The following ADCY2 variants were observed in gnomAD, a reference collection of about 807,000 sequenced individuals.
ADCY2 encodes the protein adenylate cyclase type 2.
In ADCY2, 31 loss-of-function variants were observed where a neutral mutation model predicts 125.2. That is an observed-to-expected ratio of 0.25 (90% CI 0.19 to 0.33). ADCY2 has a LOEUF of 0.33. Ranked by LOEUF, ADCY2 falls within the 10% of genes least tolerant of loss-of-function variation. The pLI, the probability that ADCY2 is intolerant of heterozygous loss-of-function variation, is 1.00. For missense variants in ADCY2, 904 were observed against 1,418.2 expected (o/e 0.64, Z 5.82); for synonymous variants, 512 against 548.4 (o/e 0.93, Z 0.93).
intron 1 of ADCY2, among the ~76,000 whole-genome samples, chr5:7,397,454 T>TGTTG (rs199784382): frequency 6.9e-6 from 1 of 145,420 alleles, no homozygotes. Flanking sequence ...AGTTTTTTTT[T>TGTTG]TTTTTTTTTT....
chr5:7,623,899 G>C (rs763665092), intron 3 of ADCY2, among the ~76,000 whole-genome samples: 7 of 152,074 alleles, frequency 4.6e-5, no homozygotes, highest in South Asian at 4.1e-4. Flanking sequence ...CACACACACA[G>C]AGCAATTCCC....
At chr5:7,708,802 G>C (rs534755615) in intron 9 of ADCY2, among the ~76,000 whole-genome samples, 195 of 152,140 alleles carry the variant, frequency 1.3e-3, no homozygotes, top group Non-Finnish European at 2.3e-3. Context: ...AAAAATACAT[G>C]TACAAAGAAC....
intron 4 of ADCY2, among the ~76,000 whole-genome samples, chr5:7,663,755 C>T (rs899873341): frequency 3.9e-5 from 6 of 152,080 alleles, no homozygotes; most frequent in East Asian, 1.9e-4. Flanking sequence ...GGCTTGGGGT[C>T]GGGATTCTAG....
chr5:7,822,330 C>G (rs963424520), intron 24 of ADCY2, among the ~76,000 whole-genome samples: 11 of 152,164 alleles, frequency 7.2e-5, no homozygotes, highest in African/African-American at 2.7e-4. Flanking sequence ...ACACCCAAAT[C>G]CACTTAATAT....
chr5:7,709,083 A>G lies in ADCY2; in HGVS notation c.1402-128A>G, dbSNP rs1741357741. ...CCCCAGTAACACTGAAGGAATAAGG[A>G]CAGAAAACACAGAGGGCGAATAGAG... On this transcript the variant is annotated intron_variant, in intron 9 of 24. Transcript: ENST00000338316. This position sits in a 1 kb window ranked among gnomAD's most constrained non-coding sequence, Gnocchi z 4.4. 4 of 906,662 alleles carry G rather than the reference A, an allele frequency of 4.4e-6. No homozygotes were observed. In the South Asian group the frequency reaches 1.1e-4, roughly 24 times the overall value. The allele number at this position is 906,662 out of a possible 1,614,324, so 56.2% of individuals were successfully genotyped here.
chr5:7,408,389 A>G (rs1170791297), intron 1 of ADCY2, among the ~76,000 whole-genome samples: 2 of 151,882 alleles, frequency 1.3e-5, no homozygotes, highest in Non-Finnish European at 2.9e-5. Context: ...TGTTATTTTG[A>G]GACAGTCTTG....
At chr5:7,620,426 T>C (rs1184562066) in intron 3 of ADCY2, among the ~76,000 whole-genome samples, 1 of 152,196 alleles carries the variant, frequency 6.6e-6, no homozygotes, top group African/African-American at 2.4e-5. Flanking sequence ...CCTCCTCATT[T>C]GGAGGGACTT....
chr5:7,638,780 A>G (rs1179086575), intron 4 of ADCY2, among the ~76,000 whole-genome samples: 1 of 152,148 alleles, frequency 6.6e-6, no homozygotes, highest in Admixed American at 6.5e-5. Flanking sequence ...TCCTGAAACT[A>G]GACTCTGAAA....
chr5:7,796,834 G>A (rs1744436365), intron 20 of ADCY2: 1 of 152,168 alleles, frequency 6.6e-6, no homozygotes, highest in Non-Finnish European at 1.5e-5. Context: ...CCCCTTCAAT[G>A]GGCATCAAAG....
intron 4 of ADCY2, among the ~76,000 whole-genome samples, chr5:7,646,510 T>C (rs1738903354): frequency 6.6e-6 from 1 of 152,172 alleles, no homozygotes; most frequent in African/African-American, 2.4e-5. Flanking sequence ...ATAATGGTAA[T>C]TCAACATTCA....
intron 4 of ADCY2, among the ~76,000 whole-genome samples, chr5:7,674,545 C>T (rs938961047): frequency 1.3e-5 from 2 of 152,208 alleles, no homozygotes; most frequent in Admixed American, 1.3e-4. Context: ...AGAAACTGTT[C>T]CATTTTATTC....
intron 4 of ADCY2, among the ~76,000 whole-genome samples, chr5:7,649,047 C>T (rs907475103): frequency 8.5e-5 from 13 of 152,108 alleles, no homozygotes; most frequent in African/African-American, 3.1e-4. Flanking sequence ...GAGATATAGC[C>T]TCACTAAAAG....
At chr5:7,799,245 C>G (rs1744519879) in intron 20 of ADCY2, 1 of 152,368 alleles carries the variant, frequency 6.6e-6, no homozygotes, top group Admixed American at 6.5e-5. Context: ...GCCCCCAGGT[C>G]CTCTGGAAGT....
intron 15 of ADCY2, among the ~76,000 whole-genome samples, chr5:7,750,657 C>G (rs1424517255): frequency 6.6e-6 from 1 of 151,712 alleles, no homozygotes; most frequent in African/African-American, 2.4e-5. Context: ...ATAATTTTTT[C>G]TAACATTCTA....
rs923249534 is a variant in ADCY2 at position 7,521,001 on chromosome 5, G to A, written c.570+102G>A. Reference sequence around the variant, plus strand: ...TCAGGGTGTGTGTAGTGTGGTACCTGCAGCTGTTCCCTTTCTGCCCCTTGA... The same window carrying A: ...TCAGGGTGTGTGTAGTGTGGTACCTACAGCTGTTCCCTTTCTGCCCCTTGA... On this transcript the variant is annotated intron_variant, in intron 3 of 24. Transcript: ENST00000338316. 4.9e-6 allele frequency: 7 copies of A among 1,420,946 alleles called. No homozygotes were observed. The African/African-American group carries it at 5.6e-5, about 11-fold the overall frequency. The allele number at this position is 1,420,946 out of a possible 1,614,324, so 88.0% of individuals were successfully genotyped here. A position where few individuals can be genotyped will look rare whatever the true frequency, so the allele number is the denominator to read the frequency against.
At chr5:7,651,970 T>A (rs1739109926) in intron 4 of ADCY2, among the ~76,000 whole-genome samples, 1 of 152,104 alleles carries the variant, frequency 6.6e-6, no homozygotes, top group African/African-American at 2.4e-5. Flanking sequence ...GACCAGTTAA[T>A]TTTTGTAGTT....
At chr5:7,637,905 C>T (rs967946436) in intron 4 of ADCY2, among the ~76,000 whole-genome samples, 27 of 152,070 alleles carry the variant, frequency 1.8e-4, no homozygotes, top group African/African-American at 5.8e-4. Context: ...GCACAATCCT[C>T]ATTATAAATA....
chr5:7,612,016 A>C (rs116348166), intron 3 of ADCY2, among the ~76,000 whole-genome samples: 1,879 of 152,330 alleles, frequency 0.012, 37 homozygotes, highest in African/African-American at 0.042. Flanking sequence ...TTATTCCAGA[A>C]AAGAAAATTC....
intron 20 of ADCY2, chr5:7,794,365 C>G (rs1399387578): frequency 6.6e-6 from 1 of 152,202 alleles, no homozygotes; most frequent in Non-Finnish European, 1.5e-5. Context: ...CCACCACAAT[C>G]AGAGCAGACC....
Sources: gnomAD v4.1 joint callset for allele counts (sites outside exome capture counted in the v4.1 genomes callset) on GRCh38, gnomAD v4.1.1 for gene constraint, Gnocchi (gnomAD v3.1) non-coding constraint, MANE v1.5 for transcripts, NCBI Gene and HGNC (gene_info 2026-07-23, HGNC 2026-07-21) for gene names.